CCDC146: variants seen among roughly 807,000 people sequenced by gnomAD.
CCDC146 encodes the protein coiled-coil domain-containing protein 146.
CCDC146 carries 92 observed loss-of-function variants against 119.3 expected under a neutral mutation model. The ratio of observed to expected loss-of-function variants is 0.77; its 90% CI spans 0.65 to 0.92. The LOEUF is 0.92. Among genes scored for constraint, CCDC146 ranks in the 40% least tolerant of loss-of-function variants. CCDC146 has a pLI of 0.00. For missense variants in CCDC146, 1,000 were observed against 1,103.0 expected (o/e 0.91, Z 1.32); for synonymous variants, 372 against 371.8 (o/e 1.00, Z -0.01).
intron 2 of CCDC146, among the ~76,000 whole-genome samples, chr7:77,222,724 C>A (rs1792428495): frequency 6.6e-6 from 1 of 152,226 alleles, no homozygotes; most frequent in Non-Finnish European, 1.5e-5. Flanking sequence ...ACATGTGTAG[C>A]CCTTGTATGA....
intron 2 of CCDC146, among the ~76,000 whole-genome samples, chr7:77,213,223 G>C (rs1792223392): frequency 1.3e-5 from 2 of 151,726 alleles, no homozygotes; most frequent in African/African-American, 4.8e-5. Flanking sequence ...CCGAGTAGCT[G>C]AGTCCACAGG....
intron 13 of CCDC146, among the ~76,000 whole-genome samples, chr7:77,280,044 T>C (rs1003217546): frequency 6.6e-6 from 1 of 152,236 alleles, no homozygotes; most frequent in Non-Finnish European, 1.5e-5. Context: ...TCAGCATTTA[T>C]TGTGGCCACA....
At chr7:77,201,971 G>A (rs1368855730) in intron 2 of CCDC146, among the ~76,000 whole-genome samples, 2 of 151,914 alleles carry the variant, frequency 1.3e-5, no homozygotes, top group Non-Finnish European at 2.9e-5. Flanking sequence ...TTAGTTCCTA[G>A]TCCTTAAGGA....
intron 1 of CCDC146, among the ~76,000 whole-genome samples, chr7:77,146,067 G>T (rs923961357): frequency 1.3e-5 from 2 of 151,780 alleles, no homozygotes; most frequent in African/African-American, 4.9e-5. Flanking sequence ...CTCTTTGTAG[G>T]TCACTCAGGA....
chr7:77,158,589 G>A (rs983391093), intron 1 of CCDC146, among the ~76,000 whole-genome samples: 5 of 151,744 alleles, frequency 3.3e-5, no homozygotes, highest in African/African-American at 1.2e-4. Context: ...GCGCTATCTC[G>A]GCTCACTGCA....
At chr7:77,152,542 T>C (rs1791121984) in intron 1 of CCDC146, among the ~76,000 whole-genome samples, 1 of 152,242 alleles carries the variant, frequency 6.6e-6, no homozygotes. Flanking sequence ...AGTTGACTTG[T>C]ATTCTTTTTA....
intron 3 of CCDC146, 88 bp from the exon 4 acceptor site, chr7:77,241,603 G>C (rs1792849568): frequency 8.3e-6 from 9 of 1,085,118 alleles, no homozygotes; most frequent in Non-Finnish European, 1.3e-5. Context: ...TGAGGAGTGG[G>C]GAGCAGCTAT....
At chr7:77,192,480 G>T (rs1253214572) in intron 2 of CCDC146, among the ~76,000 whole-genome samples, 1 of 152,142 alleles carries the variant, frequency 6.6e-6, no homozygotes, top group Non-Finnish European at 1.5e-5. Context: ...ATTCTATCTA[G>T]ACCAAGGAAA....
chr7:77,123,240 G>GAAAA (rs71085442), intron 1 of CCDC146, among the ~76,000 whole-genome samples: 40 of 140,544 alleles, frequency 2.8e-4, no homozygotes, highest in African/African-American at 9.6e-4. Flanking sequence ...GTTTTAGAGT[G>GAAAA]AAAAAAAAAA....
intron 2 of CCDC146, among the ~76,000 whole-genome samples, chr7:77,170,296 A>C (rs1233148659): frequency 6.6e-6 from 1 of 152,124 alleles, no homozygotes; most frequent in Non-Finnish European, 1.5e-5. Flanking sequence ...GTCTCTGTGA[A>C]GGACATGATT....
At chr7:77,189,918 C>G (rs1470760636) in intron 2 of CCDC146, among the ~76,000 whole-genome samples, 2 of 152,174 alleles carry the variant, frequency 1.3e-5, no homozygotes, top group Admixed American at 6.5e-5. Flanking sequence ...TTCTACTACT[C>G]CCTTACTCTC....
chr7:77,273,107 G>A (rs1196174748), intron 9 of CCDC146, among the ~76,000 whole-genome samples: 1 of 152,106 alleles, frequency 6.6e-6, no homozygotes, highest in African/African-American at 2.4e-5. Flanking sequence ...GCAGATCATG[G>A]GTTCCAAGTC....
At chr7:77,281,543 G>A (rs1423680158) in intron 14 of CCDC146, among the ~76,000 whole-genome samples, 1 of 152,164 alleles carries the variant, frequency 6.6e-6, no homozygotes, top group Non-Finnish European at 1.5e-5. Context: ...CTTTGATTGT[G>A]TGCTATTCTG....
Position 77,294,661 on chromosome 7 carries a change from A to G in CCDC146, c.2665-2A>G. The stretch of plus-strand genomic sequence containing the variant: ...CTGAAAAGGAAAAATCATTCTTTGC[A>G]GGAGTTCTTGGAAGCAGATAATCGC... On this transcript the variant is annotated splice_acceptor_variant, in intron 18 of 18. Coordinates refer to ENST00000285871, the MANE Select transcript of CCDC146 (RefSeq NM_020879.3). LOFTEE classifies it high-confidence loss of function. 1 of 1,614,046 alleles carries G rather than the reference A, an allele frequency of 6.2e-7. No homozygotes were observed. Among genetic ancestry groups the G allele is most frequent in the Non-Finnish European group, 8.5e-7 (1 of 1,179,902 alleles).
chr7:77,200,704 C>T (rs533778414), intron 2 of CCDC146, among the ~76,000 whole-genome samples: 4 of 152,176 alleles, frequency 2.6e-5, no homozygotes, highest in Admixed American at 6.5e-5. Flanking sequence ...CTTCTACCTG[C>T]TCTCTGGGCC....
intron 3 of CCDC146, among the ~76,000 whole-genome samples, chr7:77,239,733 G>T (rs3114307): frequency 1 from 151,719 of 152,348 alleles, 75,549 homozygotes; most frequent in Middle Eastern, 1. Flanking sequence ...TTCTGGGAAA[G>T]AGGAATCATA....
chr7:77,142,276 T>G (rs1394093202), intron 1 of CCDC146, among the ~76,000 whole-genome samples: 1 of 151,884 alleles, frequency 6.6e-6, no homozygotes, highest in African/African-American at 2.4e-5. Context: ...GGAGTCAAAT[T>G]GTCTCTGTTT....
chr7:77,236,208 A>T (rs1792734038), intron 2 of CCDC146, among the ~76,000 whole-genome samples: 1 of 152,240 alleles, frequency 6.6e-6, no homozygotes, highest in Admixed American at 6.5e-5. Flanking sequence ...TGATTTTAGG[A>T]TGGTAAAACT....
intron 1 of CCDC146, among the ~76,000 whole-genome samples, chr7:77,152,862 G>A (rs1791126478): frequency 1.3e-5 from 2 of 152,204 alleles, no homozygotes; most frequent in Admixed American, 6.5e-5. Flanking sequence ...GGCACTGGTG[G>A]GAGGAAGCTG....
Sources: allele counts gnomAD v4.1 joint callset (sites outside exome capture counted in the v4.1 genomes callset), GRCh38; gene constraint gnomAD v4.1.1; transcripts MANE v1.5; gene names NCBI Gene and HGNC (gene_info 2026-07-23, HGNC 2026-07-21).